OPRPN: variants seen among roughly 807,000 people sequenced by gnomAD.
OPRPN encodes basic proline-rich lacrimal protein.
OPRPN carries 1 observed loss-of-function variant against 2.2 expected under a neutral mutation model. The observed-to-expected ratio is 0.45, with a 90% confidence interval of 0.16 to 2.15. The LOEUF is 2.15. Among genes scored for constraint, OPRPN ranks in the 30% most tolerant of loss-of-function variants. The pLI is 0.28. For synonymous variants in OPRPN, 126 were observed against 111.5 expected, an observed-to-expected ratio of 1.13 and a Z score of -0.82; for missense variants, 306 against 297.3, an observed-to-expected ratio of 1.03 and a Z score of -0.21.
In OPRPN at chr4:70,410,113, T is replaced by C. The variant is rs1157369133; in HGVS notation, c.*38T>C. ...TGATATTTTCCAAACTGCTCTGATA[T>C]CTTAGAAGAAATAAACTGCAATGAT... On this transcript the variant is annotated 3_prime_UTR_variant, in exon 3 of 3. Coordinates refer to ENST00000399575, the MANE Select transcript of OPRPN (RefSeq NM_021225.5). 1.4e-6 allele frequency: 2 copies of C among 1,430,108 alleles called. No homozygotes were observed. The highest frequency in any genetic ancestry group is 4.6e-5 in the East Asian group (2 of 43,688). The allele number at this position is 1,430,108 out of a possible 1,614,324, so 88.6% of individuals were successfully genotyped here. A position where few individuals can be genotyped will look rare whatever the true frequency, so the allele number is the denominator to read the frequency against.
At position 70,410,032 on chromosome 4, in the gene OPRPN, C is replaced by A; in HGVS notation, c.704C>A (p.Ala235Asp). The change falls in exon 3 of 3, where the codon GCC becomes GAC. Residue 235 changes from alanine (A) to aspartate (D), a missense_variant. Ala to Asp is a moderately radical substitution (Grantham distance 126, BLOSUM62 -2). Transcript: ENST00000399575. ...TSNQTILSSPAFKSFWQKLFA... is the reference protein window; with the variant it reads ...TSNQTILSSPDFKSFWQKLFA... ...AACCAAACTATATTAAGCAGCCCAGCCTTTAAAAGTTTTTGGCAAAAACTC... is the reference window on the plus strand; with the variant it reads ...AACCAAACTATATTAAGCAGCCCAGACTTTAAAAGTTTTTGGCAAAAACTC... 1 of 1,568,808 alleles carries A rather than the reference C, an allele frequency of 6.4e-7. No individual in the cohort carries two copies.
chr4:70,405,614 A>G (rs977325629), intron 2 of OPRPN, among the ~76,000 whole-genome samples: 1 of 152,204 alleles, frequency 6.6e-6, no homozygotes, highest in East Asian at 1.9e-4. Flanking sequence ...TGAGATTTCA[A>G]TCTGCATCTA....
chr4:70,409,368 T>G lies in OPRPN; in HGVS notation c.52-12T>G. The G allele has an allele frequency of 6.4e-7, 1 of 1,563,436 alleles. No individual in the cohort carries two copies. Among genetic ancestry groups the G allele is most frequent in the Non-Finnish European group, 8.6e-7 (1 of 1,159,726 alleles). On this transcript the variant is annotated splice_polypyrimidine_tract_variant and intron_variant, in intron 2 of 2. Transcript: ENST00000399575. ...GAAATTTTGTTTTTTACCTTTGTTT[T>G]TATCTCCACAGCCCAGTGAGAGTCA...
At chr4:70,406,908 A>G (rs1456072655) in intron 2 of OPRPN, among the ~76,000 whole-genome samples, 3 of 152,140 alleles carry the variant, frequency 2.0e-5, no homozygotes, top group Non-Finnish European at 2.9e-5. Context: ...CCAGGTTCTC[A>G]ATAAATGTTT....
chr4:70,404,523 C>T (rs1238131640), intron 2 of OPRPN, among the ~76,000 whole-genome samples: 1 of 152,152 alleles, frequency 6.6e-6, no homozygotes, highest in African/African-American at 2.4e-5. Context: ...AAATCTTACC[C>T]TTTCTCACCA....
At position 70,409,641 on chromosome 4, in the gene OPRPN, C is replaced by G. The variant is rs762521425; in HGVS notation, c.313C>G (p.Leu105Val). ...TCGACTCTTTCCGGGTTATCCAAACCTACATTTCCCACTAAGACCTTACTA... is the reference window on the plus strand; with the variant it reads ...TCGACTCTTTCCGGGTTATCCAAACGTACATTTCCCACTAAGACCTTACTA... ...QPRLFPGYPN[L>V]HFPLRPYYVG... The change falls in exon 3 of 3, where the codon CTA (leucine) becomes GTA (valine). Residue 105 changes from leucine (L) to valine (V), a missense_variant. Leu to Val is a conservative substitution (Grantham distance 32, BLOSUM62 1). Transcript: ENST00000399575. The G allele has an allele frequency of 1.4e-5, 22 of 1,613,932 alleles. 1 individual carries two copies. The South Asian group carries it at 2.0e-4, about 14-fold the overall frequency.
In OPRPN at chr4:70,399,305, T is replaced by A. The variant is rs763283334; in HGVS notation, c.20T>A (p.Leu7Ter). 1 of 1,603,812 alleles carries A rather than the reference T, an allele frequency of 6.2e-7. No individual in the cohort carries two copies. The highest frequency in any genetic ancestry group is 1.7e-5 in the Admixed American group (1 of 59,704). MKLTFF[L>*]GLLALISCFT... ...TAAAGAATGAAATTAACTTTCTTCTTGGGCCTGTTGGCTCTTATTTCATGT... is the reference window on the plus strand; with the variant it reads ...TAAAGAATGAAATTAACTTTCTTCTAGGGCCTGTTGGCTCTTATTTCATGT... Residue 7 changes from leucine to a stop codon, truncating the protein, a stop_gained, in exon 2 of 3, where the codon TTG becomes TAG. Coordinates refer to ENST00000399575, the MANE Select transcript of OPRPN (RefSeq NM_021225.5). LOFTEE classifies it low-confidence loss of function (END_TRUNC).
chr4:70,402,699 A>T (rs754006757), intron 2 of OPRPN, among the ~76,000 whole-genome samples: 85 of 152,020 alleles, frequency 5.6e-4, no homozygotes, highest in Admixed American at 2.0e-4. Flanking sequence ...TAGAACAAGG[A>T]TGTGATTTTA....
At chr4:70,407,834 G>A (rs892435887) in intron 2 of OPRPN, among the ~76,000 whole-genome samples, 1 of 152,326 alleles carries the variant, frequency 6.6e-6, no homozygotes, top group Non-Finnish European at 1.5e-5. Context: ...GTCTTAAACA[G>A]GAAGAGAGAA....
At chr4:70,399,879 A>G (rs1332114899) in intron 2 of OPRPN, among the ~76,000 whole-genome samples, 1 of 151,894 alleles carries the variant, frequency 6.6e-6, no homozygotes, top group African/African-American at 2.4e-5. Context: ...CCTTTAACTG[A>G]CTGGAAATTA....
At chr4:70,400,584 C>T (rs1281966304) in intron 2 of OPRPN, among the ~76,000 whole-genome samples, 2 of 151,778 alleles carry the variant, frequency 1.3e-5, no homozygotes, top group Non-Finnish European at 2.9e-5. Flanking sequence ...GCCTGGAAAC[C>T]TGCATTCTAG....
At chr4:70,401,425 T>C (rs1732982760) in intron 2 of OPRPN, among the ~76,000 whole-genome samples, 1 of 152,222 alleles carries the variant, frequency 6.6e-6, no homozygotes, top group African/African-American at 2.4e-5. Flanking sequence ...GAACTTTCAA[T>C]ATATCAGAGA....
chr4:70,409,741 C>T lies in OPRPN; in HGVS notation c.413C>T (p.Ser138Phe). The change falls in exon 3 of 3, where the codon TCT becomes TTT. Residue 138 changes from serine to phenylalanine, a missense_variant. By Grantham distance (155) the Ser-to-Phe change is radical (BLOSUM62 -2). Coordinates refer to ENST00000399575, the MANE Select transcript of OPRPN (RefSeq NM_021225.5). ...TTTCTTGCTATTTACCTTCCTATCT[C>T]TAACCCTGAGCCCCAAATAAACATC... ...PFFLAIYLPI[S>F]NPEPQINITT... 1.2e-6 allele frequency: 2 copies of T among 1,613,704 alleles called. No homozygotes were observed. Among genetic ancestry groups the T allele is most frequent in the Non-Finnish European group, 1.7e-6 (2 of 1,179,786 alleles).
chr4:70,404,298 G>C (rs778638073), intron 2 of OPRPN, among the ~76,000 whole-genome samples: 1 of 151,714 alleles, frequency 6.6e-6, no homozygotes, highest in African/African-American at 2.4e-5. Flanking sequence ...CTTCAATGAC[G>C]ACTCCTTGTT....
chr4:70,409,903 T>A lies in OPRPN; in HGVS notation c.575T>A (p.Ile192Lys). The A allele has an allele frequency of 6.2e-7, 1 of 1,613,936 alleles. No homozygotes were observed. The highest frequency in any genetic ancestry group is 1.3e-5 in the African/African-American group (1 of 74,972). ...ISSTPEPATS[I>K]SAATPAASTE... is the part of the protein sequence containing the mutation. Reference sequence around the variant, plus strand: ...TCAACACCAGAGCCTGCCACCTCCATATCAGCAGCAACCCCCGCAGCATCT... The same window carrying A: ...TCAACACCAGAGCCTGCCACCTCCAAATCAGCAGCAACCCCCGCAGCATCT... The change falls in exon 3 of 3, where the codon ATA (isoleucine) becomes AAA (lysine). Residue 192 changes from isoleucine to lysine, a missense_variant. Ile to Lys is a moderately radical substitution (Grantham distance 102, BLOSUM62 -3). Coordinates refer to ENST00000399575, the MANE Select transcript of OPRPN (RefSeq NM_021225.5).
chr4:70,404,383 C>T (rs1040271491), intron 2 of OPRPN, among the ~76,000 whole-genome samples: 1 of 152,106 alleles, frequency 6.6e-6, no homozygotes, highest in African/African-American at 2.4e-5. Context: ...ATCTTCTTAC[C>T]CTTTCTCCAT....
intron 2 of OPRPN, among the ~76,000 whole-genome samples, chr4:70,407,118 T>G (rs1273242869): frequency 6.6e-6 from 1 of 152,184 alleles, no homozygotes; most frequent in Non-Finnish European, 1.5e-5. Flanking sequence ...TGGCCCTTAT[T>G]AATGCTCCAG....
intron 2 of OPRPN, among the ~76,000 whole-genome samples, chr4:70,406,079 T>C (rs1017458510): frequency 6.6e-6 from 1 of 151,532 alleles, no homozygotes; most frequent in African/African-American, 2.4e-5. Context: ...AAAAAAAATG[T>C]ACTGAGAACC....
In OPRPN at chr4:70,410,170, C is replaced by CAATA. The variant is rs1228632723; in HGVS notation, c.*96_*97insATAA. Reference sequence around the variant, plus strand: ...GGAACCAACCCTGATCTAACCAGCACACTAAATAAAGTATTTGAGCAATAA... The same window carrying CAATA: ...GGAACCAACCCTGATCTAACCAGCACAATAACTAAATAAAGTATTTGAGCAATAA... On this transcript the variant is annotated 3_prime_UTR_variant, in exon 3 of 3. Transcript: ENST00000399575. 2 of 790,504 alleles carry CAATA rather than the reference C, an allele frequency of 2.5e-6. No individual in the cohort carries two copies. The highest frequency in any genetic ancestry group is 2.3e-5 in the African/African-American group (1 of 43,284). The allele number at this position is 790,504 out of a possible 1,614,324, so 49.0% of individuals were successfully genotyped here. A position where few individuals can be genotyped will look rare whatever the true frequency, so the allele number is the denominator to read the frequency against.
Sources: gnomAD v4.1 joint callset for allele counts (sites outside exome capture counted in the v4.1 genomes callset) on GRCh38, gnomAD v4.1.1 for gene constraint, MANE v1.5 for transcripts, NCBI Gene and HGNC (gene_info 2026-07-23, HGNC 2026-07-21) for gene names.